The following FAM163A variants were observed in gnomAD, a reference collection of about 807,000 sequenced individuals.
The protein encoded by FAM163A is protein FAM163A.
Under a neutral mutation model 12.0 loss-of-function variants are expected in FAM163A, and 7 were observed. The ratio of observed to expected loss-of-function variants is 0.58; its 90% CI spans 0.33 to 1.10. FAM163A has a LOEUF of 1.10. Ranked by LOEUF, FAM163A falls within the 50% of genes least tolerant of loss-of-function variation. FAM163A has a pLI of 0.03. For synonymous variants in FAM163A, 101 were observed against 91.0 expected (o/e 1.11, Z -0.62); for missense variants, 202 against 218.6 (o/e 0.92, Z 0.48).
chr1:179,769,401 C>T (rs1209057872), intron 1 of FAM163A, among the ~76,000 whole-genome samples: 1 of 151,900 alleles, frequency 6.6e-6, no homozygotes, highest in Non-Finnish European at 1.5e-5. Context: ...GGTCCTCCTG[C>T]CTTGGCCTCC....
chr1:179,800,345 C>T (rs1325886134), intron 1 of FAM163A, among the ~76,000 whole-genome samples: 2 of 152,232 alleles, frequency 1.3e-5, no homozygotes, highest in African/African-American at 4.8e-5. Context: ...CTCAGCCTTG[C>T]CCTTGACAGG....
At chr1:179,736,503 G>A in the FAM163A span, among the ~76,000 whole-genome samples, 1 of 152,052 alleles carries the variant, frequency 6.6e-6, no homozygotes, top group East Asian at 1.9e-4. Context: ...TTAGGGTGGT[G>A]CTGTTCTCAA....
At chr1:179,775,303 G>A (rs190561058) in intron 1 of FAM163A, among the ~76,000 whole-genome samples, 3 of 152,224 alleles carry the variant, frequency 2.0e-5, no homozygotes, top group East Asian at 1.9e-4. Context: ...AGAGGCTAAG[G>A]TGAAGTTACA....
intron 1 of FAM163A, among the ~76,000 whole-genome samples, chr1:179,776,299 C>T (rs1433441931): frequency 6.6e-6 from 1 of 151,964 alleles, no homozygotes; most frequent in Non-Finnish European, 1.5e-5. Flanking sequence ...GAGTTCAAGA[C>T]CTGACCAACA....
chr1:179,774,543 G>T (rs1688689667), intron 1 of FAM163A, among the ~76,000 whole-genome samples: 1 of 152,266 alleles, frequency 6.6e-6, no homozygotes, highest in African/African-American at 2.4e-5. Flanking sequence ...ATGATCCCCA[G>T]TGATACAGAG....
intron 1 of FAM163A, among the ~76,000 whole-genome samples, chr1:179,755,068 C>T (rs1241632434): frequency 4.0e-5 from 6 of 148,386 alleles, no homozygotes; most frequent in Non-Finnish European, 8.9e-5. Flanking sequence ...ACCCAGGAGG[C>T]GGAGGTTGCA....
chr1:179,758,665 G>A (rs3845383), intron 1 of FAM163A, among the ~76,000 whole-genome samples: 31,482 of 152,104 alleles, frequency 0.21, 4,037 homozygotes, highest in East Asian at 0.62. Flanking sequence ...CTGTTCCTCC[G>A]TCCAGGACTG....
In FAM163A at chr1:179,814,790, T is replaced by C. The variant is rs1557988789; in HGVS notation, c.*601T>C. 1 of 153,106 alleles carries C rather than the reference T, an allele frequency of 6.5e-6. No homozygotes were observed. The highest frequency in any genetic ancestry group is 1.5e-5 in the Non-Finnish European group (1 of 68,752). 9.5% of individuals were successfully genotyped at this position (153,106 alleles called of 1,614,324 possible). ...CACTGTAGCTGCTCCCGTAGGGTCG[T>C]TGATTCCTGAACGTATCACATCTCA... On this transcript the variant is annotated 3_prime_UTR_variant, in exon 5 of 5. Coordinates refer to ENST00000341785, the MANE Select transcript of FAM163A (RefSeq NM_173509.3).
chr1:179,775,903 T>C (rs995009526), intron 1 of FAM163A, among the ~76,000 whole-genome samples: 7 of 152,290 alleles, frequency 4.6e-5, no homozygotes, highest in African/African-American at 1.7e-4. Flanking sequence ...TTTACTACCC[T>C]CAGAATATTC....
the FAM163A span, among the ~76,000 whole-genome samples, chr1:179,731,073 T>A: frequency 1.2e-3 from 180 of 152,342 alleles, no homozygotes; most frequent in African/African-American, 4.2e-3. Flanking sequence ...AAAGAGAAAG[T>A]TATATATCAG....
chr1:179,753,265 C>T (rs1434526860), intron 1 of FAM163A, among the ~76,000 whole-genome samples: 1 of 152,136 alleles, frequency 6.6e-6, no homozygotes, highest in African/African-American at 2.4e-5. Context: ...AAAATAGTCA[C>T]CACAGAAACA....
chr1:179,758,950 A>G (rs763677437), intron 1 of FAM163A, among the ~76,000 whole-genome samples: 1 of 152,212 alleles, frequency 6.6e-6, no homozygotes, highest in Non-Finnish European at 1.5e-5. Context: ...AAATAGTTTT[A>G]ATAGCACCCC....
intron 1 of FAM163A, among the ~76,000 whole-genome samples, chr1:179,766,582 T>A (rs1034109595): frequency 1.3e-5 from 2 of 152,252 alleles, no homozygotes; most frequent in Admixed American, 1.3e-4. Flanking sequence ...TAAATAAATG[T>A]GTATGCCTTT....
intron 2 of FAM163A, among the ~76,000 whole-genome samples, chr1:179,808,883 A>G (rs1037838109): frequency 1.3e-5 from 2 of 152,162 alleles, no homozygotes; most frequent in Non-Finnish European, 2.9e-5. Context: ...CAAAGAGACA[A>G]TGAGCCCTCC....
intron 1 of FAM163A, among the ~76,000 whole-genome samples, chr1:179,783,069 C>T (rs1160663464): frequency 6.7e-6 from 1 of 150,372 alleles, no homozygotes; most frequent in African/African-American, 2.5e-5. Flanking sequence ...ATAGAGGTTG[C>T]AGTGAGCCGA....
intron 1 of FAM163A, among the ~76,000 whole-genome samples, chr1:179,778,103 G>A (rs576818642): frequency 6.6e-6 from 1 of 152,302 alleles, no homozygotes; most frequent in South Asian, 2.1e-4. Flanking sequence ...GGAACCACCT[G>A]TATTTCTGAA....
At chr1:179,740,861 T>C (rs1022403308), upstream of FAM163A, among the ~76,000 whole-genome samples, 1 of 152,200 alleles carries the variant, frequency 6.6e-6, no homozygotes, top group African/African-American at 2.4e-5. Context: ...TATTTTACTA[T>C]AGTTTTTGCA....
At chr1:179,751,490 G>A (rs1312687771) in intron 1 of FAM163A, among the ~76,000 whole-genome samples, 1 of 152,192 alleles carries the variant, frequency 6.6e-6, no homozygotes, top group East Asian at 1.9e-4. Flanking sequence ...GTTTAAGCAA[G>A]AGGTCAGTGA....
chr1:179,803,729 CG>C (rs914144518), intron 1 of FAM163A, among the ~76,000 whole-genome samples: 4 of 151,824 alleles, frequency 2.6e-5, no homozygotes, highest in Non-Finnish European at 4.4e-5. Context: ...CTACCACGCC[CG>C]GCTAATTTTT....
Sources: gnomAD v4.1 joint callset for allele counts (sites outside exome capture counted in the v4.1 genomes callset) on GRCh38, gnomAD v4.1.1 for gene constraint, MANE v1.5 for transcripts, NCBI Gene and HGNC (gene_info 2026-07-23, HGNC 2026-07-21) for gene names.